RNGTT: variants seen among roughly 807,000 people sequenced by gnomAD.
RNGTT encodes the protein mRNA-capping enzyme.
RNGTT carries 33 observed loss-of-function variants against 79.3 expected under a neutral mutation model. The ratio of observed to expected loss-of-function variants is 0.42; its 90% CI spans 0.32 to 0.56. RNGTT has a LOEUF of 0.56. Ranked by LOEUF, RNGTT falls within the 20% of genes least tolerant of loss-of-function variation. The pLI is 0.17. For synonymous variants in RNGTT, 222 were observed against 235.9 expected (o/e 0.94, Z 0.54); for missense variants, 497 against 739.1 (o/e 0.67, Z 3.80).
intron 11 of RNGTT, among the ~76,000 whole-genome samples, chr6:88,840,364 G>A (rs1161556491): frequency 1.3e-5 from 2 of 152,096 alleles, no homozygotes; most frequent in Non-Finnish European, 2.9e-5. Flanking sequence ...GAGGAGAGGA[G>A]ACTATTCAAA....
intron 11 of RNGTT, among the ~76,000 whole-genome samples, chr6:88,835,810 G>C (rs1242345840): frequency 2.0e-5 from 3 of 151,880 alleles, no homozygotes; most frequent in African/African-American, 4.8e-5. Context: ...AGAATTTTAA[G>C]GTGATAGATC....
At chr6:88,935,664 T>G (rs1784643979) in intron 2 of RNGTT, among the ~76,000 whole-genome samples, 1 of 152,212 alleles carries the variant, frequency 6.6e-6, no homozygotes, top group South Asian at 2.1e-4. Context: ...TTGGAAAGTA[T>G]GGTCATTTTA....
intron 14 of RNGTT, among the ~76,000 whole-genome samples, chr6:88,635,359 G>A (rs1237285605): frequency 1.3e-5 from 2 of 152,010 alleles, no homozygotes; most frequent in Non-Finnish European, 2.9e-5. Context: ...TTACACAGAG[G>A]AATAAATCAG....
chr6:88,666,549 A>C, intron 14 of RNGTT, among the ~76,000 whole-genome samples: 1 of 152,218 alleles, frequency 6.6e-6, no homozygotes, highest in East Asian at 1.9e-4. Context: ...GAAAATCCCC[A>C]TATAACCACT....
intron 14 of RNGTT, among the ~76,000 whole-genome samples, chr6:88,628,403 A>C (rs1772717275): frequency 6.6e-6 from 1 of 152,150 alleles, no homozygotes; most frequent in Admixed American, 6.6e-5. Context: ...GAAATATTCA[A>C]GTACTAAAGT....
At chr6:88,717,618 G>A (rs1469199504) in intron 13 of RNGTT, among the ~76,000 whole-genome samples, 1 of 152,134 alleles carries the variant, frequency 6.6e-6, no homozygotes, top group Non-Finnish European at 1.5e-5. Flanking sequence ...TTTTCTTTTT[G>A]TCTCATGTAT....
At chr6:88,944,570 T>G (rs1784946906) in intron 1 of RNGTT, among the ~76,000 whole-genome samples, 1 of 150,742 alleles carries the variant, frequency 6.6e-6, no homozygotes, top group South Asian at 2.1e-4. Flanking sequence ...CCCCAACATC[T>G]TCAGCATCTC....
chr6:88,799,051 A>G (rs1015299010), intron 12 of RNGTT, among the ~76,000 whole-genome samples: 2 of 152,226 alleles, frequency 1.3e-5, no homozygotes, highest in African/African-American at 4.8e-5. Context: ...AGAAGTAGCA[A>G]TAAAAAAAGA....
chr6:88,933,785 T>C (rs1270731952), intron 2 of RNGTT, among the ~76,000 whole-genome samples: 1 of 152,226 alleles, frequency 6.6e-6, no homozygotes, highest in Non-Finnish European at 1.5e-5. Context: ...CCATTGTGTA[T>C]ATATGCCACA....
rs1302394711 is a variant in RNGTT, at chr6:88,612,831, A to G, written c.1682T>C (p.Phe561Ser). ...NPVTKEMLFE[F>S]IDRCTAASQG... is the part of the protein sequence containing the mutation. ...AGAAGCTGCAGTACATCTGTCGATG[A>G]ACTCAAACAGCATCTCCTTGGTGAC... The change falls in exon 16 of 16, where the codon TTC (phenylalanine) becomes TCC (serine). Residue 561 changes from phenylalanine to serine, a missense_variant. Physicochemically the swap from Phe to Ser is radical, Grantham distance 155. Around this residue, in one of 3 missense-constraint regions of RNGTT, gnomAD observed 53 missense variants for 50.5 expected, o/e 1.05. Transcript: ENST00000369485. 4 of 1,613,588 alleles carry G rather than the reference A, an allele frequency of 2.5e-6. No individual in the cohort carries two copies. The highest frequency in any genetic ancestry group is 3.4e-6 in the Non-Finnish European group (4 of 1,179,878).
intron 12 of RNGTT, among the ~76,000 whole-genome samples, chr6:88,786,771 CTG>C (rs1779242051): frequency 6.6e-6 from 1 of 152,148 alleles, no homozygotes; most frequent in African/African-American, 2.4e-5. Context: ...TTTTAAAACA[CTG>C]TGCTACAGAC....
At chr6:88,803,748 A>G (rs1355265021) in intron 11 of RNGTT, among the ~76,000 whole-genome samples, 1 of 151,968 alleles carries the variant, frequency 6.6e-6, no homozygotes, top group Non-Finnish European at 1.5e-5. Context: ...CATTTATGGC[A>G]AGTTAACATG....
chr6:88,747,437 T>C (rs781752492), intron 13 of RNGTT, among the ~76,000 whole-genome samples: 20 of 152,150 alleles, frequency 1.3e-4, no homozygotes, highest in Non-Finnish European at 2.2e-4. Flanking sequence ...TCCAGTGATA[T>C]AGAATCAGGA....
At chr6:88,748,756 A>C (rs976649391) in intron 13 of RNGTT, among the ~76,000 whole-genome samples, 5 of 152,100 alleles carry the variant, frequency 3.3e-5, no homozygotes, top group African/African-American at 7.2e-5. Flanking sequence ...AAATGCCGGA[A>C]GCAAAGAAGA....
chr6:88,660,555 A>AAAAAAAAAAAAAAAAAAAAG (rs937133942), intron 14 of RNGTT, among the ~76,000 whole-genome samples: 5 of 151,716 alleles, frequency 3.3e-5, no homozygotes, highest in African/African-American at 1.2e-4. Context: ...ATGGTAAAAA[A>AAAAAAAAAAAAAAAAAAAAG]AAAGAAAGAA....
chr6:88,707,725 T>TAAA (rs60313151), intron 13 of RNGTT, among the ~76,000 whole-genome samples: 13,475 of 123,136 alleles, frequency 0.11, 831 homozygotes, highest in Middle Eastern at 0.18. Context: ...TCCCTAACAT[T>TAAA]AAAAAAAAAA....
chr6:88,691,589 G>A (rs1775484159), intron 13 of RNGTT, among the ~76,000 whole-genome samples: 1 of 152,168 alleles, frequency 6.6e-6, no homozygotes, highest in Non-Finnish European at 1.5e-5. Flanking sequence ...CTTTGGGTGG[G>A]AGAAAGCTGT....
intron 8 of RNGTT, among the ~76,000 whole-genome samples, chr6:88,883,612 G>A (rs1190136313): frequency 3.3e-5 from 5 of 151,970 alleles, no homozygotes; most frequent in Non-Finnish European, 7.4e-5. Context: ...AATAAAAGGA[G>A]TTTTTAAATT....
chr6:88,613,529 G>A (rs997313631), intron 15 of RNGTT, among the ~76,000 whole-genome samples: 3 of 152,154 alleles, frequency 2.0e-5, no homozygotes, highest in Non-Finnish European at 2.9e-5. Context: ...CTTTTAAACT[G>A]CAAAGCTGAA....
Sources: gnomAD v4.1 joint callset for allele counts (sites outside exome capture counted in the v4.1 genomes callset) on GRCh38, gnomAD v4.1.1 for gene constraint, gnomAD v4.1.1 regional missense constraint, MANE v1.5 for transcripts, NCBI Gene and HGNC (gene_info 2026-07-23, HGNC 2026-07-21) for gene names.